The following FBXO32 variants were observed in gnomAD, a reference collection of about 807,000 sequenced individuals.
FBXO32 encodes F-box only protein 32.
A neutral mutation model predicts 48.3 loss-of-function variants in FBXO32; 15 were observed. The observed-to-expected ratio is 0.31, with a 90% confidence interval of 0.21 to 0.48. The LOEUF (loss-of-function observed/expected upper bound fraction) is 0.48. FBXO32 is among the 20% of genes least tolerant of loss of function. FBXO32 has a pLI of 0.99. For missense variants in FBXO32, 309 were observed against 432.7 expected, an observed-to-expected ratio of 0.71 and a Z score of 2.54; for synonymous variants, 154 against 165.9, an observed-to-expected ratio of 0.93 and a Z score of 0.55.
At chr8:123,536,472 C>G (rs1220752482) in intron 1 of FBXO32, among the ~76,000 whole-genome samples, 1 of 152,158 alleles carries the variant, frequency 6.6e-6, no homozygotes, top group Non-Finnish European at 1.5e-5. Flanking sequence ...GAACAAAGAA[C>G]AGAACTGAAT....
intron 6 of FBXO32, among the ~76,000 whole-genome samples, chr8:123,510,244 T>C (rs1816708791): frequency 1.3e-5 from 2 of 152,350 alleles, no homozygotes; most frequent in South Asian, 4.1e-4. Flanking sequence ...ACCATGGCTA[T>C]GAGTTGACAC....
rs1202607488 is a variant in FBXO32, at chr8:123,501,756, A to G, written c.*1617T>C. 6.6e-6 allele frequency: 1 copy of G among 151,928 alleles called. No individual in the cohort carries two copies. Among genetic ancestry groups the G allele is most frequent in the Non-Finnish European group, 1.5e-5 (1 of 68,010 alleles). 9.4% of individuals were successfully genotyped at this position (151,928 alleles called of 1,614,324 possible). On this transcript the variant is annotated 3_prime_UTR_variant, in exon 9 of 9. Transcript: ENST00000517956. ...CCCAAAGCTCAGCTCTTAAAGATAC[A>G]CTGTTCCTCAACTTGAATGTGGACT...
rs1004838295 is a variant in FBXO32 at position 123,499,493 on chromosome 8, A to G, written c.*3880T>C. On this transcript the variant is annotated 3_prime_UTR_variant, in exon 9 of 9. Transcript: ENST00000517956. ...TTAAAAAAAAAAAAAAGATGTCAACATAGAAAATGATGATAGAGTTTAGTT... is the reference window on the plus strand; with the variant it reads ...TTAAAAAAAAAAAAAAGATGTCAACGTAGAAAATGATGATAGAGTTTAGTT... 6.6e-5 allele frequency: 10 copies of G among 152,080 alleles called. No homozygotes were observed. The highest frequency in any genetic ancestry group is 4.6e-4 in the Admixed American group (7 of 15,258). The allele number at this position is 152,080 out of a possible 1,614,324, so 9.4% of individuals were successfully genotyped here. A position where few individuals can be genotyped will look rare whatever the true frequency, so the allele number is the denominator to read the frequency against.
chr8:123,536,301 G>T (rs1224212106), intron 1 of FBXO32, among the ~76,000 whole-genome samples: 1 of 152,144 alleles, frequency 6.6e-6, no homozygotes, highest in Non-Finnish European at 1.5e-5. Context: ...CTGCAGAAAT[G>T]TCCTCTCAGA....
intron 4 of FBXO32, among the ~76,000 whole-genome samples, chr8:123,517,468 C>A (rs923388523): frequency 9.6e-5 from 13 of 135,416 alleles, no homozygotes; most frequent in Non-Finnish European, 1.8e-4. Flanking sequence ...AAGGGAAAGT[C>A]CCCCCTACCT....
Position 123,541,065 on chromosome 8 carries a change from C to T in FBXO32, c.-51G>A. On this transcript the variant is annotated 5_prime_UTR_variant, in exon 1 of 9. Coordinates refer to ENST00000517956, the MANE Select transcript of FBXO32 (RefSeq NM_058229.4). ...GGGGAGACGGGGCCGGCCTGGTGGG[C>T]TCGGGGACGTGCCACCCGGGGCGGA... 1 of 1,299,502 alleles carries T rather than the reference C, an allele frequency of 7.7e-7. No individual in the cohort carries two copies. The highest frequency in any genetic ancestry group is 1.0e-6 in the Non-Finnish European group (1 of 957,724). The allele number at this position is 1,299,502 out of a possible 1,614,324, so 80.5% of individuals were successfully genotyped here.
rs568019372 is a variant in FBXO32 at position 123,522,579 on chromosome 8, G to A, written c.373-8246C>T. Reference sequence around the variant, plus strand: ...CCATCTAACAGCGATGTCTGGCTTGGCGATCTTCCTTAAACTGAGCTCCCA... The same window carrying A: ...CCATCTAACAGCGATGTCTGGCTTGACGATCTTCCTTAAACTGAGCTCCCA... On this transcript the variant is annotated intron_variant, in intron 4 of 8. Transcript: ENST00000517956. Among the ~76,000 whole-genome samples the A allele has an allele frequency of 8.5e-5, 13 of 152,130 alleles. No homozygotes were observed. The South Asian group carries it at 1.5e-3, about 17-fold the overall frequency.
chr8:123,514,216 G>A, intron 5 of FBXO32, 24 bp downstream of exon 5: 1 of 1,587,528 alleles, frequency 6.3e-7, no homozygotes, highest in Non-Finnish European at 8.6e-7. Context: ...ATAAAAAGGG[G>A]CGAGAGAGTG....
intron 4 of FBXO32, among the ~76,000 whole-genome samples, chr8:123,516,221 T>A (rs1233109839): frequency 1.3e-5 from 2 of 151,546 alleles, no homozygotes; most frequent in Non-Finnish European, 2.9e-5. Flanking sequence ...ACAAAAGAGG[T>A]TGATATAAAG....
rs2130491168 is a variant in FBXO32, at chr8:123,501,870, T to C, written c.*1503A>G. 6.6e-6 allele frequency: 1 copy of C among 151,664 alleles called. No homozygotes were observed. Among genetic ancestry groups the C allele is most frequent in the East Asian group, 1.9e-4 (1 of 5,170 alleles). The allele number at this position is 151,664 out of a possible 1,614,324, so 9.4% of individuals were successfully genotyped here. On this transcript the variant is annotated 3_prime_UTR_variant, in exon 9 of 9. Coordinates refer to ENST00000517956, the MANE Select transcript of FBXO32 (RefSeq NM_058229.4). ...AAAAAAAAGCATATACAACTGCAAA[T>C]ATATGTACATTGTTGTAGGAAAGCA... is the stretch of plus-strand genomic sequence containing the variant.
chr8:123,526,265 A>C (rs1817073799), intron 4 of FBXO32, among the ~76,000 whole-genome samples: 2 of 151,566 alleles, frequency 1.3e-5, no homozygotes, highest in Admixed American at 1.3e-4. Context: ...AGCCTCTGTC[A>C]CCCAGGCTGG....
chr8:123,504,512 C>G, intron 8 of FBXO32, 92 bp downstream of exon 8: 1 of 1,041,258 alleles, frequency 9.6e-7, no homozygotes, highest in Non-Finnish European at 1.2e-6. Context: ...GGGGAAGAGG[C>G]GGAAAGGCGC....
intron 1 of FBXO32, among the ~76,000 whole-genome samples, chr8:123,535,828 T>TG (rs34275665): frequency 2.9e-4 from 22 of 75,054 alleles, no homozygotes; most frequent in African/African-American, 1.5e-3. Flanking sequence ...AAATTAGGGG[T>TG]TTTTTTTTTT....
intron 5 of FBXO32, 37 bp downstream of exon 5, chr8:123,514,203 C>A: frequency 6.6e-7 from 1 of 1,522,744 alleles, no homozygotes. Context: ...CACCTCCATG[C>A]CTATAAAAAG....
At chr8:123,526,385 C>T (rs547192444) in intron 4 of FBXO32, among the ~76,000 whole-genome samples, 10 of 152,136 alleles carry the variant, frequency 6.6e-5, no homozygotes, top group Non-Finnish European at 1.3e-4. Context: ...TGCCACCACA[C>T]CTGGCTAATT....
rs147020482 is a variant in FBXO32, at chr8:123,509,478, T to C, written c.652-2904A>G. ...ACTTTGGGAGGCTGAAGCGGGAGGA[T>C]TGCTTGAGCCCAAAAGTTCGAGATC... On this transcript the variant is annotated intron_variant, in intron 6 of 8. Coordinates refer to ENST00000517956, the MANE Select transcript of FBXO32 (RefSeq NM_058229.4). Among the ~76,000 whole-genome samples the C allele has an allele frequency of 5.3e-3, 807 of 152,034 alleles. 4 individuals are homozygous for C. The highest frequency in any genetic ancestry group is 0.017 in the African/African-American group (704 of 41,436).
At chr8:123,514,011 T>C (rs1371869023) in intron 5 of FBXO32, 1 of 455,410 alleles carries the variant, frequency 2.2e-6, no homozygotes, top group African/African-American at 2.0e-5. Context: ...GTAGGGCAAG[T>C]GGATGGTCCC....
intron 4 of FBXO32, among the ~76,000 whole-genome samples, chr8:123,520,651 T>C (rs889666371): frequency 6.6e-6 from 1 of 152,216 alleles, no homozygotes; most frequent in African/African-American, 2.4e-5. Context: ...GATTTCCCTC[T>C]TATCTCACTG....
chr8:123,535,565 C>T (rs1259860472), intron 1 of FBXO32, among the ~76,000 whole-genome samples: 2 of 152,198 alleles, frequency 1.3e-5, no homozygotes, highest in Non-Finnish European at 2.9e-5. Flanking sequence ...ATGTACCTGC[C>T]TAATTCACAG....
Sources: allele counts gnomAD v4.1 joint callset (sites outside exome capture counted in the v4.1 genomes callset), GRCh38; gene constraint gnomAD v4.1.1; transcripts MANE v1.5; gene names NCBI Gene and HGNC (gene_info 2026-07-23, HGNC 2026-07-21).